TBL1Y: variants seen among roughly 807,000 people sequenced by gnomAD.
The protein encoded by TBL1Y is transducin beta like 1 Y-linked.
Under a neutral mutation model 12.0 loss-of-function variants are expected in TBL1Y, and 15 were observed. The ratio of observed to expected loss-of-function variants is 1.25; its 90% confidence interval spans 0.83 to 1.92. The LOEUF (loss-of-function observed/expected upper bound fraction) is 1.92. TBL1Y is among the 40% of genes most tolerant of loss of function. The probability of loss-of-function intolerance (pLI) is 0.00; values close to 1 mark genes in which losing one functional copy is unlikely to be tolerated. For synonymous variants in TBL1Y, 53 were observed against 42.6 expected (o/e 1.24, Z -0.95); for missense variants, 148 against 116.7 (o/e 1.27, Z -1.24).
chrY:6,954,969 T>A, intron 2 of TBL1Y, among the ~76,000 whole-genome samples: 1 of 33,898 alleles, frequency 3.0e-5, no homozygotes, highest in Non-Finnish European at 7.3e-5. Context: ...TAGAAAGAAA[T>A]ACTACTGAGT....
intron 6 of TBL1Y, among the ~76,000 whole-genome samples, chrY:7,040,367 G>A (rs761186168): frequency 2.9e-5 from 1 of 34,580 alleles, no homozygotes; most frequent in South Asian, 6.4e-4. Context: ...TGTGAATACC[G>A]TTGTCCACAC....
chrY:7,082,309 A>T (rs2013103632), intron 14 of TBL1Y, among the ~76,000 whole-genome samples: 1 of 33,280 alleles, frequency 3.0e-5, no homozygotes, highest in Non-Finnish European at 7.3e-5. Context: ...AACAATATGA[A>T]TAGCAGCCAA....
At chrY:6,913,298 T>C in intron 2 of TBL1Y, among the ~76,000 whole-genome samples, 8 of 32,912 alleles carry the variant, frequency 2.4e-4, no homozygotes, top group Admixed American at 2.3e-3. Context: ...TGGAGATATA[T>C]TATGGTGTGG....
intron 2 of TBL1Y, among the ~76,000 whole-genome samples, chrY:6,967,702 T>A: frequency 2.9e-5 from 1 of 34,187 alleles, no homozygotes; most frequent in Non-Finnish European, 7.3e-5. Flanking sequence ...TGACTTTTTT[T>A]TTCTTTTGAG....
intron 8 of TBL1Y, among the ~76,000 whole-genome samples, chrY:7,064,438 G>C (rs980014540): frequency 2.1e-4 from 7 of 33,328 alleles, no homozygotes; most frequent in South Asian, 6.9e-4. Context: ...ATAAACAAAA[G>C]TGTTTAATTC....
chrY:6,938,358 A>G, intron 2 of TBL1Y, among the ~76,000 whole-genome samples: 1 of 34,131 alleles, frequency 2.9e-5, no homozygotes, highest in Non-Finnish European at 7.3e-5. Context: ...TTGGAAGGCC[A>G]GAAGTCTGAA....
Position 7,086,043 on chromosome Y carries a change from A to G in TBL1Y, c.1152+71A>G. The G allele has an allele frequency of 9.6e-6, 3 of 313,321 alleles. No homozygotes were observed. In the South Asian group the frequency reaches 1.0e-4, roughly 11 times the overall value. The allele number at this position is 313,321 out of a possible 400,897, so 78.2% of individuals were successfully genotyped here. On this transcript the variant is annotated intron_variant, in intron 15 of 18. Transcript: ENST00000383032. ...CTTGGGCACTTGACGTCAGTCTCAC[A>G]GTCACACTTGCATGAGGATTATTTG...
At chrY:7,004,160 G>C in intron 4 of TBL1Y, among the ~76,000 whole-genome samples, 1 of 33,605 alleles carries the variant, frequency 3.0e-5, no homozygotes, top group Admixed American at 2.7e-4. Flanking sequence ...AAGCTGGCTT[G>C]AGAATTTCTA....
At chrY:7,064,577 G>A (rs1011439212) in intron 8 of TBL1Y, among the ~76,000 whole-genome samples, 1 of 33,707 alleles carries the variant, frequency 3.0e-5, no homozygotes. Context: ...CAGCTTATTT[G>A]GTCTTTGCAA....
chrY:7,063,096 A>C, intron 7 of TBL1Y, among the ~76,000 whole-genome samples: 1 of 32,928 alleles, frequency 3.0e-5, no homozygotes, highest in Non-Finnish European at 7.5e-5. Context: ...CACCCCTGAG[A>C]CCGCCACAAG....
At chrY:7,019,333 G>C in intron 4 of TBL1Y, among the ~76,000 whole-genome samples, 1 of 33,451 alleles carries the variant, frequency 3.0e-5, no homozygotes, top group Non-Finnish European at 7.4e-5. Flanking sequence ...AATTATTTTT[G>C]ACATGTTGCA....
At chrY:6,990,551 CTTTTTTTTT>C (rs1358150743) in intron 3 of TBL1Y, among the ~76,000 whole-genome samples, 7 of 7,908 alleles carry the variant, frequency 8.9e-4, no homozygotes, top group African/African-American at 3.0e-3. Flanking sequence ...CTGGCCATTT[CTTTTTTTTT>C]TTTTTTTTTT....
At chrY:6,968,835 G>A in intron 2 of TBL1Y, among the ~76,000 whole-genome samples, 1 of 33,005 alleles carries the variant, frequency 3.0e-5, no homozygotes, top group Admixed American at 2.8e-4. Context: ...TTCATCTTTG[G>A]GGAAGTTTTG....
At chrY:7,034,447 A>G in intron 6 of TBL1Y, among the ~76,000 whole-genome samples, 2 of 33,685 alleles carry the variant, frequency 5.9e-5, no homozygotes, top group African/African-American at 1.2e-4. Flanking sequence ...TCAAGCTACC[A>G]TTGACTTTCT....
intron 2 of TBL1Y, chrY:6,920,550 G>A (rs1004988838): frequency 1.5e-4 from 5 of 33,914 alleles, no homozygotes; most frequent in Non-Finnish European, 3.7e-4. Flanking sequence ...ATGAAGTGAC[G>A]TTTTCTAGAA....
chrY:7,014,430 T>C (rs2124147014), intron 4 of TBL1Y, among the ~76,000 whole-genome samples: 1 of 32,018 alleles, frequency 3.1e-5, no homozygotes, highest in Non-Finnish European at 7.6e-5. Flanking sequence ...TTAATCCTCT[T>C]TTTTTTCTTT....
rs368511174 is a variant in TBL1Y at position 6,991,916 on chromosome Y, T to C, written c.-234-3888T>C. On this transcript the variant is annotated intron_variant, in intron 3 of 18. Coordinates refer to ENST00000383032, the MANE Select transcript of TBL1Y (RefSeq NM_033284.2). ...TCGTTACCCAGAAAAGAAAAAAATC[T>C]GACCTCTGAAACCTTGGGGAATGTC... Among the ~76,000 whole-genome samples the C allele has an allele frequency of 1.9e-3, 66 of 34,358 alleles. No homozygotes were observed. The Middle Eastern group carries it at 0.042, about 22-fold the overall frequency. 92.2% of individuals were successfully genotyped at this position (34,358 alleles called of 37,273 possible).
At chrY:7,011,337 A>T (rs2012518802) in intron 4 of TBL1Y, among the ~76,000 whole-genome samples, 2 of 34,403 alleles carry the variant, frequency 5.8e-5, no homozygotes, top group East Asian at 1.5e-3. Context: ...CATGACCCCA[A>T]TTGAGAACCA....
chrY:7,029,808 G>T (rs986076673), intron 6 of TBL1Y, among the ~76,000 whole-genome samples: 1 of 33,745 alleles, frequency 3.0e-5, no homozygotes, highest in Non-Finnish European at 7.3e-5. Context: ...ATCATGCATT[G>T]TGTGGCCCTG....
Sources: allele counts gnomAD v4.1 joint callset (sites outside exome capture counted in the v4.1 genomes callset), GRCh38; gene constraint gnomAD v4.1.1; transcripts MANE v1.5; gene names NCBI Gene and HGNC (gene_info 2026-07-23, HGNC 2026-07-21).